The following INSL6 variants were observed in gnomAD, a reference collection of about 807,000 sequenced individuals.
The protein encoded by INSL6 is insulin like 6.
INSL6 carries 16 observed loss-of-function variants against 9.4 expected under a neutral mutation model. That is an observed-to-expected ratio of 1.70 (90% CI 1.15 to 2.59). The LOEUF (loss-of-function observed/expected upper bound fraction) is 2.59. INSL6 is among the 30% of genes most tolerant of loss of function. INSL6 has a pLI of 0.00. For missense variants in INSL6, 391 were observed against 257.3 expected (o/e 1.52, Z -3.56); for synonymous variants, 154 against 96.9 (o/e 1.59, Z -3.46).
the INSL6 span, chr9:5,044,549 G>A: frequency 2.3e-6 from 3 of 1,277,416 alleles, no homozygotes; most frequent in African/African-American, 3.0e-5. Context: ...ACTTGTACAT[G>A]AGTTAAATGA....
At chr9:5,073,674 C>G in the INSL6 span, 4 of 1,553,400 alleles carry the variant, frequency 2.6e-6, no homozygotes, top group Admixed American at 1.7e-5. Context: ...AACAACAATT[C>G]TTTGTACTTT....
At chr9:5,095,303 G>C in the INSL6 span, among the ~76,000 whole-genome samples, 5 of 151,946 alleles carry the variant, frequency 3.3e-5, no homozygotes, top group Non-Finnish European at 7.4e-5. Flanking sequence ...CGCTCACACT[G>C]ATTTCTTATC....
At chr9:5,154,278 A>G (rs938100707) in intron 2 of INSL6, among the ~76,000 whole-genome samples, 1 of 152,258 alleles carries the variant, frequency 6.6e-6, no homozygotes, top group Non-Finnish European at 1.5e-5. Context: ...ATTTGCAGAA[A>G]GCTGAAGCTG....
chr9:5,109,221 A>G, the INSL6 span: 1 of 152,200 alleles, frequency 6.6e-6, no homozygotes, highest in Admixed American at 6.5e-5. Flanking sequence ...GAGAAAATAC[A>G]TTAATATTTA....
intron 2 of INSL6, among the ~76,000 whole-genome samples, chr9:5,152,932 G>A (rs560849905): frequency 2.0e-5 from 3 of 152,138 alleles, no homozygotes; most frequent in East Asian, 1.9e-4. Context: ...CGCCTCACCC[G>A]GGAAGCACAA....
the INSL6 span, among the ~76,000 whole-genome samples, chr9:5,056,471 C>T: frequency 6.6e-5 from 10 of 151,978 alleles, no homozygotes; most frequent in African/African-American, 2.4e-4. Context: ...ATATGGCTTA[C>T]CTGTCTGGCT....
chr9:5,058,058 A>T, the INSL6 span, among the ~76,000 whole-genome samples: 3 of 152,172 alleles, frequency 2.0e-5, no homozygotes, highest in African/African-American at 7.2e-5. Context: ...ATTCTGTGTC[A>T]TGTATATACC....
chr9:5,131,574 A>T (rs1000126932), intron 3 of INSL6, among the ~76,000 whole-genome samples: 6 of 151,116 alleles, frequency 4.0e-5, no homozygotes, highest in East Asian at 3.9e-4. Context: ...AGTAGCTGGG[A>T]TTACAGGTGC....
the INSL6 span, among the ~76,000 whole-genome samples, chr9:5,092,374 T>C: frequency 6.6e-6 from 1 of 152,164 alleles, no homozygotes; most frequent in African/African-American, 2.4e-5. Context: ...AGTCGTAATA[T>C]GGTAAGTGTA....
the INSL6 span, chr9:5,114,112 C>T: frequency 5.6e-6 from 2 of 358,050 alleles, no homozygotes; most frequent in South Asian, 2.8e-5. Flanking sequence ...CACACCTACA[C>T]CTGCCAGGTC....
chr9:5,106,134 T>A, the INSL6 span, among the ~76,000 whole-genome samples: 1 of 151,978 alleles, frequency 6.6e-6, no homozygotes, highest in Non-Finnish European at 1.5e-5. Context: ...ACCTACAGAA[T>A]GGGAGAAAAT....
chr9:5,089,314 G>T, the INSL6 span, among the ~76,000 whole-genome samples: 1 of 152,050 alleles, frequency 6.6e-6, no homozygotes, highest in Non-Finnish European at 1.5e-5. Context: ...CGAGTTGGGT[G>T]GATCACCAGG....
chr9:5,103,953 C>G, the INSL6 span, among the ~76,000 whole-genome samples: 9 of 151,994 alleles, frequency 5.9e-5, no homozygotes, highest in Admixed American at 1.3e-4. Context: ...TAAATGCCCA[C>G]AAGAGAAAGC....
At chr9:5,134,802 G>T (rs949156225) in intron 2 of INSL6, among the ~76,000 whole-genome samples, 3 of 152,112 alleles carry the variant, frequency 2.0e-5, no homozygotes, top group African/African-American at 7.2e-5. Flanking sequence ...TAATCAGCTA[G>T]CATCATAATG....
At chr9:5,011,538 GC>G in the INSL6 span, among the ~76,000 whole-genome samples, 2 of 152,096 alleles carry the variant, frequency 1.3e-5, no homozygotes, top group Admixed American at 6.5e-5. Context: ...TTATCTTCAT[GC>G]ATTATATTAA....
the INSL6 span, among the ~76,000 whole-genome samples, chr9:5,068,737 T>C: frequency 6.6e-6 from 1 of 152,356 alleles, no homozygotes; most frequent in Middle Eastern, 3.4e-3. Context: ...CTTTATCTTA[T>C]AAATGATGGA....
intron 2 of INSL6, among the ~76,000 whole-genome samples, chr9:5,137,920 A>T (rs150587231): frequency 2.0e-5 from 3 of 152,250 alleles, no homozygotes; most frequent in African/African-American, 7.2e-5. Context: ...AAGTAGGTGA[A>T]GGATATGAAC....
chr9:5,027,410 T>G, the INSL6 span, among the ~76,000 whole-genome samples: 2 of 152,202 alleles, frequency 1.3e-5, no homozygotes, highest in African/African-American at 4.8e-5. Context: ...CAAAAAGCAC[T>G]CATAATCATC....
At chr9:5,008,572 T>C in the INSL6 span, among the ~76,000 whole-genome samples, 1 of 152,328 alleles carries the variant, frequency 6.6e-6, no homozygotes, top group Admixed American at 6.5e-5. Context: ...GAGGGACCAA[T>C]CTGAATGCAT....
Sources: allele counts gnomAD v4.1 joint callset (sites outside exome capture counted in the v4.1 genomes callset), GRCh38; gene constraint gnomAD v4.1.1; transcripts MANE v1.5; gene names NCBI Gene and HGNC (gene_info 2026-07-23, HGNC 2026-07-21).